The following GLRA1 variants were observed in gnomAD, a reference collection of about 807,000 sequenced individuals.
GLRA1 encodes glycine receptor subunit alpha-1.
In GLRA1, 37 loss-of-function variants were observed where a neutral mutation model predicts 48.3. The ratio of observed to expected loss-of-function variants is 0.77; its 90% CI spans 0.59 to 1.01. GLRA1 has a LOEUF of 1.01. GLRA1 is among the 50% of genes least tolerant of loss of function. The pLI is 0.00. For missense variants in GLRA1, 427 were observed against 571.0 expected (o/e 0.75, Z 2.57); for synonymous variants, 196 against 210.7 (o/e 0.93, Z 0.60).
At chr5:151,882,054 T>C (rs1244677740) in intron 3 of GLRA1, among the ~76,000 whole-genome samples, 11 of 152,178 alleles carry the variant, frequency 7.2e-5, no homozygotes, top group Non-Finnish European at 4.4e-5. Flanking sequence ...ATTAGCTGTG[T>C]GTGTGTGTGT....
intron 8 of GLRA1, among the ~76,000 whole-genome samples, chr5:151,824,028 A>G (rs1763212611): frequency 6.6e-6 from 1 of 151,128 alleles, no homozygotes; most frequent in Non-Finnish European, 1.5e-5. Flanking sequence ...CAACTAGATA[A>G]TGCTTTCAGG....
At chr5:151,857,021 C>T (rs778189719) in intron 4 of GLRA1, among the ~76,000 whole-genome samples, 7 of 152,182 alleles carry the variant, frequency 4.6e-5, no homozygotes, top group Non-Finnish European at 8.8e-5. Context: ...TGCAGATGAG[C>T]TGGGGGCCCG....
rs56690441 is a variant in GLRA1 at position 151,871,645 on chromosome 5, C to T, written c.253-11637G>A. On this transcript the variant is annotated intron_variant, in intron 3 of 8. Transcript: ENST00000274576. ...GCACGATCTCGGCTCACTGCAAGCTCCGCCTCCTGGGTTCATGCCATTCTC... is the reference window on the plus strand; with the variant it reads ...GCACGATCTCGGCTCACTGCAAGCTTCGCCTCCTGGGTTCATGCCATTCTC... Among the ~76,000 whole-genome samples the T allele has an allele frequency of 4.5e-3, 675 of 148,746 alleles. 80 individuals are homozygous for T. Among genetic ancestry groups the T allele is most frequent in the African/African-American group, 0.017 (657 of 38,342 alleles).
At chr5:151,827,023 C>CTGT (rs1763288648) in intron 8 of GLRA1, among the ~76,000 whole-genome samples, 1 of 111,804 alleles carries the variant, frequency 8.9e-6, no homozygotes, top group Non-Finnish European at 1.9e-5. Context: ...TTCTTTCTTT[C>CTGT]TTTCTGTTTT....
At chr5:151,851,734 T>C (rs1236580943) in intron 6 of GLRA1, 130 bp from the exon 7 acceptor site, 4 of 703,826 alleles carry the variant, frequency 5.7e-6, no homozygotes, top group Non-Finnish European at 1.0e-5. Flanking sequence ...AGTATTTGAA[T>C]TGTTCTGTAT....
chr5:151,838,543 C>T (rs1581604716), intron 7 of GLRA1, among the ~76,000 whole-genome samples: 1 of 152,120 alleles, frequency 6.6e-6, no homozygotes, highest in South Asian at 2.1e-4. Flanking sequence ...ATGAAAACTT[C>T]ACTAGATGGA....
At chr5:151,911,118 C>T (rs1754598477) in intron 1 of GLRA1, among the ~76,000 whole-genome samples, 1 of 152,220 alleles carries the variant, frequency 6.6e-6, no homozygotes, top group South Asian at 2.1e-4. Context: ...GCCTGGCCTA[C>T]CCAGTGGCCT....
intron 1 of GLRA1, among the ~76,000 whole-genome samples, chr5:151,902,854 T>C (rs1343104367): frequency 1.3e-5 from 2 of 152,136 alleles, no homozygotes; most frequent in East Asian, 3.9e-4. Flanking sequence ...AAAAGTGAGG[T>C]CCATAGAGAT....
chr5:151,824,545 A>G (rs1763224465), intron 8 of GLRA1, among the ~76,000 whole-genome samples: 1 of 152,034 alleles, frequency 6.6e-6, no homozygotes, highest in South Asian at 2.1e-4. Flanking sequence ...ATATTTGAAA[A>G]TGTCATGGTT....
intron 3 of GLRA1, among the ~76,000 whole-genome samples, chr5:151,865,207 A>C (rs900116150): frequency 6.6e-6 from 1 of 152,198 alleles, no homozygotes; most frequent in Admixed American, 6.5e-5. Context: ...TCAGCTCCAG[A>C]GCCTCCAGTG....
intron 1 of GLRA1, among the ~76,000 whole-genome samples, chr5:151,912,125 A>G (rs1258201974): frequency 6.6e-6 from 1 of 152,112 alleles, no homozygotes; most frequent in Non-Finnish European, 1.5e-5. Context: ...ATGGAGCATT[A>G]CATTTTTTTC....
rs757336792 is a variant in GLRA1 at position 151,833,796 on chromosome 5, C to CAAAAAAAA, written c.913-4737_913-4730dup. On this transcript the variant is annotated intron_variant, in intron 7 of 8. Coordinates refer to ENST00000274576, the MANE Select transcript of GLRA1 (RefSeq NM_000171.4). ...GGATATTTACCAAGGAAGTGGAAAG[C>CAAAAAAAA]AAAAAAAAAAAAAAAAAAAGCAGGG... Among the ~76,000 whole-genome samples, 129 of 64,722 alleles carry CAAAAAAAA rather than the reference C, an allele frequency of 2.0e-3. 2 individuals are homozygous for CAAAAAAAA. The highest frequency in any genetic ancestry group is 4.2e-3 in the East Asian group (8 of 1,914). 42.5% of individuals were successfully genotyped at this position (64,722 alleles called of 152,430 possible).
intron 1 of GLRA1, among the ~76,000 whole-genome samples, chr5:151,922,309 CT>C (rs1242761694): frequency 6.6e-6 from 1 of 152,214 alleles, no homozygotes; most frequent in Non-Finnish European, 1.5e-5. Flanking sequence ...GTATTTTCAC[CT>C]GGAATTTTAA....
At chr5:151,861,027 T>G (rs1485888066) in intron 3 of GLRA1, among the ~76,000 whole-genome samples, 1 of 152,250 alleles carries the variant, frequency 6.6e-6, no homozygotes. Flanking sequence ...GTTTCCAGCT[T>G]TATCCGTGTC....
intron 8 of GLRA1, 38 bp downstream of exon 8, chr5:151,828,883 A>G (rs374354474): frequency 1.9e-6 from 3 of 1,596,474 alleles, no homozygotes; most frequent in Non-Finnish European, 2.6e-6. Context: ...TTGTTTACTA[A>G]CAGCTGTCCC....
chr5:151,909,023 T>C (rs1400549817), intron 1 of GLRA1, among the ~76,000 whole-genome samples: 2 of 152,222 alleles, frequency 1.3e-5, no homozygotes, highest in African/African-American at 4.8e-5. Flanking sequence ...ATCATAGTAT[T>C]TTCCTCACAG....
intron 1 of GLRA1, among the ~76,000 whole-genome samples, chr5:151,913,750 C>A (rs1234660037): frequency 6.6e-6 from 1 of 152,182 alleles, no homozygotes. Flanking sequence ...TCCAATCCCA[C>A]ACTGACACTT....
At chr5:151,832,177 T>C (rs1175570209) in intron 7 of GLRA1, among the ~76,000 whole-genome samples, 2 of 152,078 alleles carry the variant, frequency 1.3e-5, no homozygotes. Context: ...GGTAGATAAA[T>C]CCATGAAGAA....
At chr5:151,913,012 C>A (rs1754654938) in intron 1 of GLRA1, among the ~76,000 whole-genome samples, 1 of 152,162 alleles carries the variant, frequency 6.6e-6, no homozygotes, top group South Asian at 2.1e-4. Flanking sequence ...CCGTGCCCAG[C>A]TGGGGCTAGG....
Sources: gnomAD v4.1 joint callset for allele counts (sites outside exome capture counted in the v4.1 genomes callset) on GRCh38, gnomAD v4.1.1 for gene constraint, MANE v1.5 for transcripts, NCBI Gene and HGNC (gene_info 2026-07-23, HGNC 2026-07-21) for gene names.